Variants in PRELID2 observed in about 807,000 individuals in gnomAD.
PRELID2 encodes the protein PRELI domain-containing protein 2.
PRELID2 carries 25 observed loss-of-function variants against 28.4 expected under a neutral mutation model. The ratio of observed to expected loss-of-function variants is 0.88; its 90% CI spans 0.64 to 1.23. The LOEUF (loss-of-function observed/expected upper bound fraction) is 1.23, where lower values mean the gene tolerates loss of function less well. Ranked by LOEUF, PRELID2 falls within the 50% of genes most tolerant of loss-of-function variation. The pLI is 0.00. For synonymous variants in PRELID2, 76 were observed against 71.6 expected (o/e 1.06, Z -0.31); for missense variants, 201 against 214.4 (o/e 0.94, Z 0.39).
At chr5:145,488,330 T>A (rs1218040295) in intron 1 of PRELID2, among the ~76,000 whole-genome samples, 1 of 152,108 alleles carries the variant, frequency 6.6e-6, no homozygotes, top group African/African-American at 2.4e-5. Context: ...GAAAGCCTGA[T>A]GGAGAGAAAG....
At chr5:145,391,876 A>G in the PRELID2 span, among the ~76,000 whole-genome samples, 1 of 152,254 alleles carries the variant, frequency 6.6e-6, no homozygotes, top group East Asian at 1.9e-4. Flanking sequence ...AAAACATAGC[A>G]AGACTCATCT....
chr5:145,439,684 T>G, the PRELID2 span, among the ~76,000 whole-genome samples: 1 of 151,992 alleles, frequency 6.6e-6, no homozygotes, highest in Non-Finnish European at 1.5e-5. Flanking sequence ...TATCCCTCAC[T>G]AAATCCTACA....
chr5:145,823,076 C>T lies in PRELID2; in HGVS notation c.133+1G>A, dbSNP rs753658711. 1.3e-6 allele frequency: 2 copies of T among 1,490,420 alleles called. No homozygotes were observed. The highest frequency in any genetic ancestry group is 1.4e-5 in the African/African-American group (1 of 72,368). The allele number at this position is 1,490,420 out of a possible 1,614,324, so 92.3% of individuals were successfully genotyped here. On this transcript the variant is annotated splice_donor_variant, in intron 2 of 6. Coordinates refer to ENST00000683046, the MANE Select transcript of PRELID2 (RefSeq NM_205846.3). LOFTEE classifies it high-confidence loss of function. ...CTGAAAAAACTGTACAGAGAACTTA[C>T]CTCTTTTTTCCTCCATGATTTTTAC...
the PRELID2 span, among the ~76,000 whole-genome samples, chr5:145,315,963 C>A: frequency 6.6e-6 from 1 of 152,126 alleles, no homozygotes; most frequent in Non-Finnish European, 1.5e-5. Flanking sequence ...TTTTTTACTA[C>A]ATTTACTATT....
At chr5:145,621,889 A>G (rs1344937149) in intron 1 of PRELID2, among the ~76,000 whole-genome samples, 1 of 152,198 alleles carries the variant, frequency 6.6e-6, no homozygotes, top group Non-Finnish European at 1.5e-5. Flanking sequence ...GAATACACTC[A>G]TAACTCTATT....
the PRELID2 span, among the ~76,000 whole-genome samples, chr5:145,460,980 A>G: frequency 1.1e-4 from 17 of 152,220 alleles, no homozygotes; most frequent in Admixed American, 2.6e-4. Flanking sequence ...CAAGAGATTG[A>G]GTCATTTTTA....
At chr5:145,267,360 AT>A in the PRELID2 span, among the ~76,000 whole-genome samples, 1 of 152,252 alleles carries the variant, frequency 6.6e-6, no homozygotes, top group East Asian at 1.9e-4. Flanking sequence ...CACACTCAGG[AT>A]CAATACTTTG....
the PRELID2 span, among the ~76,000 whole-genome samples, chr5:145,294,358 A>T: frequency 6.6e-6 from 1 of 152,176 alleles, no homozygotes; most frequent in Admixed American, 6.6e-5. Context: ...TTACTTACTG[A>T]ATCAGAACCC....
At chr5:145,730,976 T>A (rs1183829928) in intron 1 of PRELID2, among the ~76,000 whole-genome samples, 1 of 152,202 alleles carries the variant, frequency 6.6e-6, no homozygotes, top group Non-Finnish European at 1.5e-5. Flanking sequence ...AAGCTTCTGA[T>A]AAGCCCCCTC....
the PRELID2 span, among the ~76,000 whole-genome samples, chr5:145,318,725 C>A: frequency 6.6e-6 from 1 of 152,160 alleles, no homozygotes; most frequent in East Asian, 1.9e-4. Context: ...CCTGTGACTC[C>A]CAAAGTCTCA....
chr5:145,245,567 CTT>C, the PRELID2 span, among the ~76,000 whole-genome samples: 1 of 152,082 alleles, frequency 6.6e-6, no homozygotes, highest in Non-Finnish European at 1.5e-5. Context: ...CTGCAGTTAA[CTT>C]AAGAGTGAGA....
chr5:145,539,536 C>T (rs933901344), intron 1 of PRELID2, among the ~76,000 whole-genome samples: 4 of 151,744 alleles, frequency 2.6e-5, no homozygotes, highest in African/African-American at 9.7e-5. Flanking sequence ...TGTTTTTTTC[C>T]TTCTCTACCT....
At chr5:145,287,188 G>A in the PRELID2 span, among the ~76,000 whole-genome samples, 1 of 151,984 alleles carries the variant, frequency 6.6e-6, no homozygotes, top group Non-Finnish European at 1.5e-5. Context: ...AGCTTACATA[G>A]TACCAAACCC....
At chr5:145,399,101 T>A in the PRELID2 span, among the ~76,000 whole-genome samples, 2 of 152,148 alleles carry the variant, frequency 1.3e-5, no homozygotes, top group East Asian at 1.9e-4. Flanking sequence ...CCAGAATTAC[T>A]CCTCCTCTCA....
intron 1 of PRELID2, among the ~76,000 whole-genome samples, chr5:145,512,408 A>G (rs1419345113): frequency 6.6e-6 from 1 of 152,168 alleles, no homozygotes; most frequent in Non-Finnish European, 1.5e-5. Context: ...AGCCCTCCAC[A>G]GGTTGGCAAA....
chr5:145,271,962 A>G, the PRELID2 span, among the ~76,000 whole-genome samples: 2 of 152,110 alleles, frequency 1.3e-5, no homozygotes, highest in African/African-American at 2.4e-5. Flanking sequence ...CTCCCTGCAG[A>G]TTACTTCTCT....
chr5:145,794,768 G>T (rs1752626053), intron 5 of PRELID2, among the ~76,000 whole-genome samples: 1 of 152,026 alleles, frequency 6.6e-6, no homozygotes, highest in South Asian at 2.1e-4. Flanking sequence ...TGTCTCACAG[G>T]ATCAGAATGT....
intron 1 of PRELID2, among the ~76,000 whole-genome samples, chr5:145,529,509 G>T (rs543337733): frequency 6.6e-6 from 1 of 152,204 alleles, no homozygotes; most frequent in East Asian, 1.9e-4. Context: ...GAATTATCTT[G>T]AGAATCGTGA....
chr5:145,454,432 C>A, the PRELID2 span, among the ~76,000 whole-genome samples: 1 of 151,986 alleles, frequency 6.6e-6, no homozygotes, highest in Non-Finnish European at 1.5e-5. Context: ...CTGGCCAGGG[C>A]AATTAGGCAG....
Sources: gnomAD v4.1 joint callset for allele counts (sites outside exome capture counted in the v4.1 genomes callset) on GRCh38, gnomAD v4.1.1 for gene constraint, MANE v1.5 for transcripts, NCBI Gene and HGNC (gene_info 2026-07-23, HGNC 2026-07-21) for gene names.